Variants in SLC25A21 observed in about 807,000 individuals in gnomAD.
SLC25A21 encodes solute carrier family 25 member 21.
Under a neutral mutation model 43.8 loss-of-function variants are expected in SLC25A21, and 47 were observed. The ratio of observed to expected loss-of-function variants is 1.07; its 90% confidence interval spans 0.85 to 1.37. The LOEUF is 1.37. Ranked by LOEUF, SLC25A21 falls within the 40% of genes most tolerant of loss-of-function variation. The pLI is 0.00. For synonymous variants in SLC25A21, 131 were observed against 121.3 expected, an observed-to-expected ratio of 1.08 and a Z score of -0.52; for missense variants, 352 against 350.2, an observed-to-expected ratio of 1.00 and a Z score of -0.04.
At chr14:37,017,852 T>A (rs1025996542) in intron 1 of SLC25A21, among the ~76,000 whole-genome samples, 9 of 152,002 alleles carry the variant, frequency 5.9e-5, no homozygotes, top group Non-Finnish European at 1.3e-4. Context: ...TATTTTCCCC[T>A]TTTGGATGGG....
At chr14:36,699,103 T>C (rs1883166856) in intron 7 of SLC25A21, among the ~76,000 whole-genome samples, 1 of 152,096 alleles carries the variant, frequency 6.6e-6, no homozygotes, top group Non-Finnish European at 1.5e-5. Flanking sequence ...AGATGGGGTT[T>C]TGGTGTAGAT....
At chr14:36,918,338 G>A (rs1174602322) in intron 1 of SLC25A21, among the ~76,000 whole-genome samples, 1 of 152,114 alleles carries the variant, frequency 6.6e-6, no homozygotes, top group African/African-American at 2.4e-5. Context: ...AGTGATCAAG[G>A]GCTGGTGTAT....
At chr14:37,153,645 C>G (rs1963797577) in intron 1 of SLC25A21, among the ~76,000 whole-genome samples, 1 of 152,204 alleles carries the variant, frequency 6.6e-6, no homozygotes, top group Non-Finnish European at 1.5e-5. Context: ...AAGACAGCAG[C>G]TCCCTCTCCA....
At chr14:36,891,471 ACT>A (rs1891070461) in intron 1 of SLC25A21, among the ~76,000 whole-genome samples, 1 of 152,052 alleles carries the variant, frequency 6.6e-6, no homozygotes, top group Admixed American at 6.6e-5. Context: ...TTCTATTATA[ACT>A]CTGATTTCTT....
chr14:36,778,356 C>T (rs1186702526), intron 3 of SLC25A21, among the ~76,000 whole-genome samples: 3 of 152,232 alleles, frequency 2.0e-5, no homozygotes, highest in Admixed American at 6.5e-5. Flanking sequence ...TATAACAAGA[C>T]CACCAACCTA....
intron 1 of SLC25A21, among the ~76,000 whole-genome samples, chr14:37,032,893 C>T (rs947277135): frequency 6.6e-6 from 1 of 152,068 alleles, no homozygotes; most frequent in Non-Finnish European, 1.5e-5. Context: ...TTTCAATGTA[C>T]ACAAGCAGAC....
At chr14:37,019,645 C>T (rs1960940630) in intron 1 of SLC25A21, among the ~76,000 whole-genome samples, 1 of 121,102 alleles carries the variant, frequency 8.3e-6, no homozygotes, top group African/African-American at 4.6e-5. Context: ...GTCAAGGAGA[C>T]AACTGGTAAA....
intron 3 of SLC25A21, among the ~76,000 whole-genome samples, chr14:36,764,546 A>AAGCC (rs1392383140): frequency 2.2e-5 from 3 of 133,566 alleles, no homozygotes; most frequent in African/African-American, 7.8e-5. Flanking sequence ...AAAAAAAAAA[A>AAGCC]AAAGCCAAAA....
At chr14:36,743,495 A>G (rs1885360442) in intron 3 of SLC25A21, among the ~76,000 whole-genome samples, 1 of 152,144 alleles carries the variant, frequency 6.6e-6, no homozygotes, top group African/African-American at 2.4e-5. Flanking sequence ...CAACCCAATC[A>G]TGGAGCAAAA....
intron 1 of SLC25A21, among the ~76,000 whole-genome samples, chr14:37,005,147 C>T (rs1045821753): frequency 1.3e-5 from 2 of 151,982 alleles, no homozygotes; most frequent in African/African-American, 2.4e-5. Flanking sequence ...GCTAAGTGGA[C>T]AGCCAACCTT....
intron 5 of SLC25A21, among the ~76,000 whole-genome samples, chr14:36,727,622 A>G (rs1454715741): frequency 6.6e-6 from 1 of 152,128 alleles, no homozygotes; most frequent in East Asian, 1.9e-4. Flanking sequence ...CAGGAGGCGG[A>G]GGTTGCAGCG....
At chr14:36,912,256 G>C (rs926432393) in intron 1 of SLC25A21, among the ~76,000 whole-genome samples, 1 of 152,146 alleles carries the variant, frequency 6.6e-6, no homozygotes, top group Non-Finnish European at 1.5e-5. Context: ...ATACTATGTT[G>C]CAGTAACCAT....
chr14:36,887,932 C>T (rs1890969142), intron 1 of SLC25A21, among the ~76,000 whole-genome samples: 2 of 152,158 alleles, frequency 1.3e-5, no homozygotes, highest in Non-Finnish European at 2.9e-5. Context: ...CCTGCCCACC[C>T]CTCCAGAGAC....
chr14:36,958,679 GCA>G (rs71124786), intron 1 of SLC25A21, among the ~76,000 whole-genome samples: 6,227 of 136,772 alleles, frequency 0.046, 202 homozygotes, highest in East Asian at 0.14. Flanking sequence ...AAGCACACGT[GCA>G]CACACACACA....
At chr14:37,088,573 G>A (rs1962527375) in intron 1 of SLC25A21, among the ~76,000 whole-genome samples, 1 of 152,200 alleles carries the variant, frequency 6.6e-6, no homozygotes. Context: ...AGTAAACAAA[G>A]AGTGGGTTGA....
intron 3 of SLC25A21, among the ~76,000 whole-genome samples, chr14:36,798,347 A>G (rs1319412364): frequency 6.6e-6 from 1 of 152,180 alleles, no homozygotes; most frequent in African/African-American, 2.4e-5. Flanking sequence ...CCTGTAATTG[A>G]GAATGGTTAT....
At chr14:36,824,966 G>A (rs924966931) in intron 2 of SLC25A21, among the ~76,000 whole-genome samples, 1 of 151,982 alleles carries the variant, frequency 6.6e-6, no homozygotes, top group Non-Finnish European at 1.5e-5. Context: ...CATCTTTGTA[G>A]GAGGTTTTAG....
intron 3 of SLC25A21, among the ~76,000 whole-genome samples, chr14:36,765,147 T>G (rs1021114929): frequency 1.3e-5 from 2 of 152,210 alleles, no homozygotes; most frequent in Non-Finnish European, 1.5e-5. Flanking sequence ...AAATGCTTGT[T>G]CTTAGTGTCC....
At chr14:36,924,420 T>A (rs1213767412) in intron 1 of SLC25A21, among the ~76,000 whole-genome samples, 1 of 151,520 alleles carries the variant, frequency 6.6e-6, no homozygotes, top group Admixed American at 6.6e-5. Flanking sequence ...GCAAACTATC[T>A]CAAGGACAAA....
Sources: allele counts gnomAD v4.1 joint callset (sites outside exome capture counted in the v4.1 genomes callset), GRCh38; gene constraint gnomAD v4.1.1; transcripts MANE v1.5; gene names NCBI Gene and HGNC (gene_info 2026-07-23, HGNC 2026-07-21).